The following ESR1 variants were observed in gnomAD, a reference collection of about 807,000 sequenced individuals.
ESR1 encodes estrogen receptor 1.
A neutral mutation model predicts 52.7 loss-of-function variants in ESR1; 12 were observed. The ratio of observed to expected loss-of-function variants is 0.23; its 90% CI spans 0.15 to 0.37. The LOEUF (loss-of-function observed/expected upper bound fraction) is 0.37. Among genes scored for constraint, ESR1 ranks in the 10% least tolerant of loss-of-function variants. The pLI, the probability that ESR1 is intolerant of heterozygous loss-of-function variation, is 1.00. For missense variants in ESR1, 584 were observed against 779.7 expected, an observed-to-expected ratio of 0.75 and a Z score of 2.99; for synonymous variants, 305 against 316.8, an observed-to-expected ratio of 0.96 and a Z score of 0.39.
chr6:151,964,458 C>T (rs1402650884), intron 4 of ESR1, among the ~76,000 whole-genome samples: 1 of 151,852 alleles, frequency 6.6e-6, no homozygotes, highest in Admixed American at 6.6e-5. Context: ...TTCTTAATTT[C>T]CTTTTTGGAT....
At chr6:152,067,523 A>T (rs528120745) in intron 6 of ESR1, among the ~76,000 whole-genome samples, 2 of 152,320 alleles carry the variant, frequency 1.3e-5, no homozygotes, top group African/African-American at 4.8e-5. Context: ...TCCAGACATT[A>T]TGTAAATTGG....
At chr6:151,767,298 G>C (rs950068193) in intron 2 of ESR1, among the ~76,000 whole-genome samples, 1 of 152,138 alleles carries the variant, frequency 6.6e-6, no homozygotes, top group Non-Finnish European at 1.5e-5. Flanking sequence ...ATATATCTCA[G>C]CTTAAGAGAG....
chr6:151,921,187 T>C (rs758005728), intron 3 of ESR1, among the ~76,000 whole-genome samples: 7 of 152,152 alleles, frequency 4.6e-5, no homozygotes, highest in Non-Finnish European at 7.3e-5. Context: ...ATGTGGTGTT[T>C]GGGTCTCTGT....
At chr6:151,671,218 T>G (rs1627340) in intron 1 of ESR1, among the ~76,000 whole-genome samples, 85,990 of 151,428 alleles carry the variant, frequency 0.57, 24,661 homozygotes, top group African/African-American at 0.67. Flanking sequence ...GTGTCAAAGG[T>G]TTCTCTGCAC....
intron 2 of ESR1, among the ~76,000 whole-genome samples, chr6:151,876,603 A>G (rs1218968084): frequency 1.3e-5 from 2 of 152,146 alleles, no homozygotes; most frequent in South Asian, 4.1e-4. Flanking sequence ...ATCAGAAGAG[A>G]AGGAAAAAGA....
intron 1 of ESR1, among the ~76,000 whole-genome samples, chr6:151,681,519 C>T (rs529821324): frequency 2.2e-4 from 33 of 152,114 alleles, no homozygotes; most frequent in Middle Eastern, 6.8e-3. Flanking sequence ...TCTGGAAGCA[C>T]AGGGACTGTG....
At chr6:152,010,593 C>T (rs982393418) in intron 4 of ESR1, among the ~76,000 whole-genome samples, 4 of 151,970 alleles carry the variant, frequency 2.6e-5, no homozygotes, top group African/African-American at 9.7e-5. Context: ...GTCACTCTGG[C>T]GTATCTTAAT....
At chr6:151,937,976 A>G (rs1323736022) in intron 3 of ESR1, among the ~76,000 whole-genome samples, 1 of 152,236 alleles carries the variant, frequency 6.6e-6, no homozygotes, top group East Asian at 1.9e-4. Context: ...GTCTCTCCAC[A>G]GAAAGTTGTA....
At chr6:151,688,956 A>G (rs1778793808), upstream of ESR1, among the ~76,000 whole-genome samples, 1 of 152,222 alleles carries the variant, frequency 6.6e-6, no homozygotes, top group African/African-American at 2.4e-5. Context: ...ATGCAAACGA[A>G]TATCAATAAT....
At chr6:151,701,553 G>A (rs201750648) in intron 1 of ESR1, among the ~76,000 whole-genome samples, 16 of 123,382 alleles carry the variant, frequency 1.3e-4, no homozygotes, top group Admixed American at 3.2e-4. Context: ...AAAAAAAAAA[G>A]AAGAAGAAGA....
chr6:152,010,192 T>C (rs1218602789), intron 4 of ESR1, among the ~76,000 whole-genome samples: 3 of 152,148 alleles, frequency 2.0e-5, no homozygotes, highest in African/African-American at 7.2e-5. Flanking sequence ...ATCTGAAAGA[T>C]GATACTTAAG....
At chr6:151,700,545 A>G (rs1413846325) in intron 1 of ESR1, among the ~76,000 whole-genome samples, 1 of 152,146 alleles carries the variant, frequency 6.6e-6, no homozygotes, top group East Asian at 1.9e-4. Context: ...GAAACCATAA[A>G]CTACTTACTT....
intron 6 of ESR1, among the ~76,000 whole-genome samples, chr6:152,084,478 G>T (rs1016517624): frequency 6.6e-6 from 1 of 151,666 alleles, no homozygotes; most frequent in Non-Finnish European, 1.5e-5. Flanking sequence ...CTCCCACCAC[G>T]ATTCTAAGGC....
chr6:151,875,712 A>G (rs189858329), intron 2 of ESR1, among the ~76,000 whole-genome samples: 32 of 152,206 alleles, frequency 2.1e-4, no homozygotes, highest in Admixed American at 2.0e-3. Flanking sequence ...AGAGGAGAAA[A>G]AGTGTGTTTC....
At chr6:151,755,341 T>A (rs1404139719) in intron 2 of ESR1, among the ~76,000 whole-genome samples, 1 of 151,810 alleles carries the variant, frequency 6.6e-6, no homozygotes, top group Non-Finnish European at 1.5e-5. Flanking sequence ...TTATGGCAGA[T>A]CCTTCCTTCC....
chr6:152,096,088 T>C (rs1174686987), intron 7 of ESR1, among the ~76,000 whole-genome samples: 2 of 152,214 alleles, frequency 1.3e-5, no homozygotes, highest in African/African-American at 4.8e-5. Flanking sequence ...CTGGGTTATT[T>C]ATTGCAGACT....
At chr6:151,955,490 A>G (rs1187080479) in intron 4 of ESR1, among the ~76,000 whole-genome samples, 1 of 152,226 alleles carries the variant, frequency 6.6e-6, no homozygotes, top group Non-Finnish European at 1.5e-5. Flanking sequence ...TAAAAATGAT[A>G]TTAAATTCAT....
At chr6:152,096,232 A>T (rs1186619229) in intron 7 of ESR1, among the ~76,000 whole-genome samples, 1 of 152,130 alleles carries the variant, frequency 6.6e-6, no homozygotes, top group Non-Finnish European at 1.5e-5. Flanking sequence ...AGCCTACATG[A>T]CCTTGGGCTT....
At chr6:151,822,579 C>T (rs1465487942) in intron 1 of ESR1, among the ~76,000 whole-genome samples, 2 of 152,164 alleles carry the variant, frequency 1.3e-5, no homozygotes, top group African/African-American at 4.8e-5. Flanking sequence ...CATTTTAAAT[C>T]TTCCCGAAGT....
Sources: allele counts gnomAD v4.1 joint callset (sites outside exome capture counted in the v4.1 genomes callset), GRCh38; gene constraint gnomAD v4.1.1; transcripts MANE v1.5; gene names NCBI Gene and HGNC (gene_info 2026-07-23, HGNC 2026-07-21).